USP47: variants seen among roughly 807,000 people sequenced by gnomAD.
The protein encoded by USP47 is ubiquitin specific peptidase 47, also known as ubiquitin carboxyl-terminal hydrolase 47.
USP47 carries 35 observed loss-of-function variants against 165.1 expected under a neutral mutation model. The observed-to-expected ratio is 0.21, with a 90% CI of 0.16 to 0.28. The LOEUF is 0.28. Among genes scored for constraint, USP47 ranks in the 10% least tolerant of loss-of-function variants. USP47 has a pLI of 1.00. For synonymous variants in USP47, 531 were observed against 544.5 expected, an observed-to-expected ratio of 0.98 and a Z score of 0.35; for missense variants, 1,277 against 1,607.4, an observed-to-expected ratio of 0.79 and a Z score of 3.52.
At chr11:11,935,778 A>G (rs1426621949) in intron 16 of USP47, among the ~76,000 whole-genome samples, 8 of 151,974 alleles carry the variant, frequency 5.3e-5, no homozygotes, top group African/African-American at 1.9e-4. Flanking sequence ...ATGAGCTTTA[A>G]GTATTCTGGA....
intron 13 of USP47, 92 bp downstream of exon 13, chr11:11,930,212 T>G: frequency 8.2e-7 from 1 of 1,221,356 alleles, no homozygotes; most frequent in Non-Finnish European, 1.2e-6. Flanking sequence ...ACCAAGGGAT[T>G]GAGGAACTAC....
In USP47 at chr11:11,954,952, C is replaced by T; in HGVS notation, c.3762+8C>T. ...GATATTGAATTTGCTAAGGTAAAGC[C>T]CTGAGAATGTTGCATCTGTGTATTG... On this transcript the variant is annotated splice_region_variant and intron_variant, in intron 26 of 27. Coordinates refer to ENST00000527733, the MANE Select transcript of USP47 (RefSeq NM_001282659.2). The T allele has an allele frequency of 6.2e-7, 1 of 1,613,744 alleles. No homozygotes were observed. Among genetic ancestry groups the T allele is most frequent in the Non-Finnish European group, 8.5e-7 (1 of 1,179,920 alleles).
chr11:11,869,097 G>A (rs1185956897), intron 1 of USP47, among the ~76,000 whole-genome samples: 2 of 152,096 alleles, frequency 1.3e-5, no homozygotes, highest in Non-Finnish European at 2.9e-5. Context: ...AATCTTTGCA[G>A]AGTAGGCATT....
At chr11:11,848,849 T>TA (rs1462144962) in intron 1 of USP47, among the ~76,000 whole-genome samples, 1 of 152,202 alleles carries the variant, frequency 6.6e-6, no homozygotes, top group African/African-American at 2.4e-5. Context: ...GACCTCGTGA[T>TA]ACGCCTGCCT....
rs1564895474 is a variant in USP47, at chr11:11,950,499, TG to T, written c.3583+23del. 3 of 1,537,716 alleles carry T rather than the reference TG, an allele frequency of 2.0e-6. No homozygotes were observed. The highest frequency in any genetic ancestry group is 1.7e-4 in the Middle Eastern group (1 of 5,820). ...TTCTTGATGGTATTTTCAATATTTT[TG>T]GGGGGAAGTATCAGTTAGAAATACT... is the stretch of plus-strand genomic sequence containing the variant. On this transcript the variant is annotated intron_variant, in intron 24 of 27. Transcript: ENST00000527733.
intron 20 of USP47, chr11:11,943,545 T>C (rs888947837): frequency 5.9e-5 from 9 of 152,302 alleles, no homozygotes; most frequent in African/African-American, 2.2e-4. Flanking sequence ...TAAAAAGTCC[T>C]TAATCAACTG....
At chr11:11,901,103 GA>G (rs899050063) in intron 5 of USP47, among the ~76,000 whole-genome samples, 1 of 152,174 alleles carries the variant, frequency 6.6e-6, no homozygotes, top group African/African-American at 2.4e-5. Context: ...AGAAAAAGGT[GA>G]AATGTACTTC....
At chr11:11,848,272 C>G (rs993451985) in intron 1 of USP47, among the ~76,000 whole-genome samples, 1 of 152,162 alleles carries the variant, frequency 6.6e-6, no homozygotes, top group African/African-American at 2.4e-5. Context: ...TTGCACAAAC[C>G]TAGATGGTTT....
intron 8 of USP47, among the ~76,000 whole-genome samples, chr11:11,916,326 A>T (rs1853416088): frequency 6.6e-6 from 1 of 152,170 alleles, no homozygotes. Flanking sequence ...TTTGCATAAT[A>T]TATGGGGAGC....
At chr11:11,936,270 A>T in intron 16 of USP47, 33 bp from the exon 17 acceptor site, 1 of 1,271,818 alleles carries the variant, frequency 7.9e-7, no homozygotes, top group Non-Finnish European at 1.0e-6. Context: ...ATGTATATAT[A>T]TTTTTTCTTT....
intron 8 of USP47, among the ~76,000 whole-genome samples, chr11:11,912,734 C>A (rs978244803): frequency 3.9e-5 from 6 of 151,916 alleles, no homozygotes; most frequent in Admixed American, 3.9e-4. Context: ...AAAACAGTAT[C>A]CCTTATATGT....
At chr11:11,863,015 G>A (rs2134202410) in intron 1 of USP47, among the ~76,000 whole-genome samples, 1 of 152,274 alleles carries the variant, frequency 6.6e-6, no homozygotes, top group East Asian at 1.9e-4. Flanking sequence ...GAGCCATTTA[G>A]GGGAAATTGC....
intron 18 of USP47, among the ~76,000 whole-genome samples, chr11:11,939,325 T>C (rs1855307452): frequency 1.3e-5 from 2 of 151,986 alleles, no homozygotes; most frequent in African/African-American, 2.4e-5. Flanking sequence ...ATTCATCTTA[T>C]GGTAGTCTTG....
At chr11:11,943,232 A>C in intron 20 of USP47, 120 bp downstream of exon 20, 1 of 1,177,834 alleles carries the variant, frequency 8.5e-7, no homozygotes, top group South Asian at 1.7e-5. Context: ...TTTCTGGATT[A>C]TAAGATTATT....
rs185163517 is a variant in USP47, at chr11:11,896,257, T to A, written c.497-1340T>A. ...CAAGCCTACCCCGAAAACATTTTTT[T>A]AAGCCCAGTAAAGGGAAACAAGGTC... On this transcript the variant is annotated intron_variant, in intron 4 of 27. Transcript: ENST00000527733. Among the ~76,000 whole-genome samples, 688 of 152,302 alleles carry A rather than the reference T, an allele frequency of 4.5e-3. 4 individuals carry two copies. The highest frequency in any genetic ancestry group is 0.016 in the African/African-American group (654 of 41,560).
intron 3 of USP47, among the ~76,000 whole-genome samples, 163 bp from the exon 4 acceptor site, chr11:11,891,805 T>G (rs555996804): frequency 6.6e-6 from 1 of 152,140 alleles, no homozygotes; most frequent in African/African-American, 2.4e-5. Context: ...AAACAGAAAA[T>G]TTGAAAGAAA....
chr11:11,929,863 G>C lies in USP47; in HGVS notation c.1519-181G>C, dbSNP rs140531317. 3.2e-3 allele frequency among the ~76,000 whole-genome samples: 487 copies of C among 152,222 alleles called. 5 individuals are homozygous for C. Among genetic ancestry groups the C allele is most frequent in the Non-Finnish European group, 5.9e-3 (401 of 67,990 alleles). Reference sequence around the variant, plus strand: ...GCTTCACGTGTGATTAGGAATACTAGAACTGGCTGGCTGGTAAGCAGCCAC... The same window carrying C: ...GCTTCACGTGTGATTAGGAATACTACAACTGGCTGGCTGGTAAGCAGCCAC... On this transcript the variant is annotated intron_variant, in intron 12 of 27. Coordinates refer to ENST00000527733, the MANE Select transcript of USP47 (RefSeq NM_001282659.2).
chr11:11,906,041 C>T (rs1286368966), intron 8 of USP47, among the ~76,000 whole-genome samples: 1 of 152,022 alleles, frequency 6.6e-6, no homozygotes, highest in Non-Finnish European at 1.5e-5. Flanking sequence ...ATTGTAGTAG[C>T]ACAGATAATT....
rs1270375616 is a variant in USP47, at chr11:11,936,356, T to C, written c.1923T>C (p.Tyr641=). ...IPLDCCRLVK[Y]DEFHDYLERS... ...TGGATTGCTGTCGCCTTGTTAAATA[T>C]GATGAGTTTCATGATTATCTAGAAC... The change falls in exon 17 of 28, where the codon TAT becomes TAC. Residue 641 remains tyrosine, a synonymous_variant. Coordinates refer to ENST00000527733, the MANE Select transcript of USP47 (RefSeq NM_001282659.2). The C allele has an allele frequency of 6.2e-7, 1 of 1,608,004 alleles. No individual in the cohort carries two copies. Among genetic ancestry groups the C allele is most frequent in the African/African-American group, 1.3e-5 (1 of 74,634 alleles).
Sources: gnomAD v4.1 joint callset for allele counts (sites outside exome capture counted in the v4.1 genomes callset) on GRCh38, gnomAD v4.1.1 for gene constraint, MANE v1.5 for transcripts, NCBI Gene and HGNC (gene_info 2026-07-23, HGNC 2026-07-21) for gene names.